KARS1: variants seen among roughly 807,000 people sequenced by gnomAD.
KARS1 encodes lysine--tRNA ligase.
Under a neutral mutation model 63.9 loss-of-function variants are expected in KARS1, and 50 were observed. That is an observed-to-expected ratio of 0.78 (90% CI 0.62 to 0.99). The LOEUF is 0.99. Ranked by LOEUF, KARS1 falls within the 50% of genes least tolerant of loss-of-function variation. The pLI is 0.00. For synonymous variants in KARS1, 320 were observed against 264.6 expected (o/e 1.21, Z -2.03); for missense variants, 816 against 754.5 (o/e 1.08, Z -0.95).
At chr16:75,645,330 A>T (rs1013411938) in intron 1 of KARS1, among the ~76,000 whole-genome samples, 1 of 152,240 alleles carries the variant, frequency 6.6e-6, no homozygotes, top group Non-Finnish European at 1.5e-5. Context: ...CTGAGTTCAG[A>T]TCCGTGCTCC....
At chr16:75,638,146 A>G (rs1456391534) in intron 3 of KARS1, among the ~76,000 whole-genome samples, 2 of 152,172 alleles carry the variant, frequency 1.3e-5, no homozygotes, top group Non-Finnish European at 2.9e-5. Context: ...GGAGAGATAG[A>G]AGGAGAATAA....
At chr16:75,640,922 G>A (rs960081983) in intron 2 of KARS1, among the ~76,000 whole-genome samples, 1 of 152,184 alleles carries the variant, frequency 6.6e-6, no homozygotes, top group African/African-American at 2.4e-5. Context: ...CCAAGGAGGG[G>A]CAAGGTGTGG....
intron 7 of KARS1, among the ~76,000 whole-genome samples, chr16:75,632,690 A>G (rs1209678019): frequency 6.6e-6 from 1 of 152,184 alleles, no homozygotes; most frequent in East Asian, 1.9e-4. Flanking sequence ...GCCCATTCTA[A>G]TATGACTCAG....
intron 1 of KARS1, 42 bp downstream of exon 1, chr16:75,647,536 T>A: frequency 6.3e-7 from 1 of 1,590,834 alleles, no homozygotes; most frequent in Non-Finnish European, 8.6e-7. Flanking sequence ...CAGCCCAGAC[T>A]CTCCTACCGC....
rs762532843 is a variant in KARS1 at position 75,627,927 on chromosome 16, G to A, written c.1762C>T (p.Leu588=). The A allele has an allele frequency of 4.4e-6, 7 of 1,608,192 alleles. No homozygotes were observed. In the East Asian group the frequency reaches 1.3e-4, roughly 31 times the overall value. ...GAAGTGCCAACTGTTGTGCTTTCCA[G>A]TGTATCAGTGGTTGCTACATTCTCC... ...KKENVATTDT[L]ESTTVGTSV The change falls in exon 14 of 14, where the codon CTG becomes TTG. Residue 588 remains leucine (L), a synonymous_variant. Coordinates refer to ENST00000302445, the MANE Select transcript of KARS1 (RefSeq NM_005548.3).
chr16:75,628,916 G>C, intron 12 of KARS1: 1 of 631,220 alleles, frequency 1.6e-6, no homozygotes, highest in South Asian at 1.8e-5. Context: ...TGATGAAATC[G>C]ACCTCAGAAC....
intron 1 of KARS1, among the ~76,000 whole-genome samples, chr16:75,647,098 A>G (rs1195187990): frequency 2.6e-5 from 4 of 152,190 alleles, no homozygotes. Context: ...GATGCATGAC[A>G]GTTTTAGAAC....
intron 7 of KARS1, among the ~76,000 whole-genome samples, chr16:75,632,091 T>C (rs1169310029): frequency 6.6e-6 from 1 of 152,162 alleles, no homozygotes; most frequent in Non-Finnish European, 1.5e-5. Context: ...GGTTTCTCTG[T>C]ATTGGTCAGG....
intron 9 of KARS1, 43 bp from the exon 10 acceptor site, chr16:75,631,296 A>G (rs746253005): frequency 1.4e-5 from 23 of 1,589,252 alleles, no homozygotes; most frequent in Non-Finnish European, 1.9e-5. Context: ...ACATCACACT[A>G]GCCAAGTAAA....
At position 75,645,701 on chromosome 16, in the gene KARS1, A is replaced by T. The variant is rs2082273222; in HGVS notation, c.62+1877T>A. Among the ~76,000 whole-genome samples, 7 of 151,940 alleles carry T rather than the reference A, an allele frequency of 4.6e-5. No individual in the cohort carries two copies. The South Asian group carries it at 1.5e-3, about 32-fold the overall frequency. On this transcript the variant is annotated intron_variant, in intron 1 of 13. Transcript: ENST00000302445. ...GTCTCTACTAAAACACAAAAATTTA[A>T]CCGGGTGTTGTGGCATGCACCTGTA...
Position 75,631,148 on chromosome 16 carries a change from AG to A in KARS1, c.1338+19del. ...TCAGCACCAGATGAGGACATGTACA[AG>A]AAGGCAGGGCCTTCTCACCTTGTCA... On this transcript the variant is annotated intron_variant, in intron 10 of 13. Transcript: ENST00000302445. 1 of 1,602,120 alleles carries A rather than the reference AG, an allele frequency of 6.2e-7. No individual in the cohort carries two copies. Among genetic ancestry groups the A allele is most frequent in the Non-Finnish European group, 8.5e-7 (1 of 1,169,912 alleles).
intron 1 of KARS1, among the ~76,000 whole-genome samples, chr16:75,647,068 C>T (rs536050929): frequency 1.3e-5 from 2 of 152,326 alleles, no homozygotes; most frequent in Admixed American, 6.5e-5. Context: ...CAGGTATCTA[C>T]TGAATAACCC....
chr16:75,635,421 G>A, intron 6 of KARS1: 1 of 412,370 alleles, frequency 2.4e-6, no homozygotes, highest in South Asian at 2.6e-5. Flanking sequence ...CTACAAAAAA[G>A]CAAAATGACG....
At chr16:75,628,776 A>G (rs2082079047) in intron 12 of KARS1, 64 bp from the exon 13 acceptor site, 10 of 1,564,864 alleles carry the variant, frequency 6.4e-6, no homozygotes, top group Non-Finnish European at 7.9e-6. Context: ...GTGAGTGAAC[A>G]TGTTACCAGG....
chr16:75,630,577 G>T, intron 10 of KARS1, 69 bp from the exon 11 acceptor site: 1 of 909,600 alleles, frequency 1.1e-6, no homozygotes, highest in East Asian at 2.4e-5. Flanking sequence ...AGCCCAGACA[G>T]AAGATCTCAG....
intron 3 of KARS1, among the ~76,000 whole-genome samples, chr16:75,637,184 G>C (rs923751765): frequency 1.3e-5 from 2 of 152,100 alleles, no homozygotes; most frequent in African/African-American, 4.8e-5. Context: ...CACAGCTAGA[G>C]AGGCGAAGCG....
chr16:75,640,275 G>A lies in KARS1; in HGVS notation c.297C>T (p.Phe99=), dbSNP rs1041667319. The change falls in exon 3 of 14, where the codon TTC becomes TTT. Residue 99 remains phenylalanine (F), a synonymous_variant. Coordinates refer to ENST00000302445, the MANE Select transcript of KARS1 (RefSeq NM_005548.3). The part of the protein sequence containing the change: ...VNGEDPYPHK[F]HVDISLTDFI... ...AGTCAGTGAGTGAGATGTCTACATG[G>A]AACTTGTGTGGGTATGGGTCTTCCC... is the stretch of plus-strand genomic sequence containing the variant. 5.0e-6 allele frequency: 8 copies of A among 1,613,442 alleles called. No homozygotes were observed. Among genetic ancestry groups the A allele is most frequent in the African/African-American group, 1.3e-5 (1 of 74,694 alleles).
At chr16:75,632,985 C>A (rs563321593) in intron 7 of KARS1, among the ~76,000 whole-genome samples, 1 of 152,164 alleles carries the variant, frequency 6.6e-6, no homozygotes, top group African/African-American at 2.4e-5. Context: ...GTTTACCCTA[C>A]CTCCATTAAC....
At chr16:75,636,650 T>G (rs866059061) in intron 3 of KARS1, 103 bp from the exon 4 acceptor site, 1 of 748,556 alleles carries the variant, frequency 1.3e-6, no homozygotes, top group African/African-American at 1.8e-5. Context: ...TTTGTTTTTT[T>G]TGGGACAGAG....
Sources: gnomAD v4.1 joint callset for allele counts (sites outside exome capture counted in the v4.1 genomes callset) on GRCh38, gnomAD v4.1.1 for gene constraint, MANE v1.5 for transcripts, NCBI Gene and HGNC (gene_info 2026-07-23, HGNC 2026-07-21) for gene names.